Variants in IFFO2 observed in about 807,000 individuals in gnomAD.
IFFO2 encodes intermediate filament family orphan 2.
A neutral mutation model predicts 53.5 loss-of-function variants in IFFO2; 19 were observed. The ratio of observed to expected loss-of-function variants is 0.36; its 90% CI spans 0.25 to 0.52. The LOEUF (loss-of-function observed/expected upper bound fraction) is 0.52. Among genes scored for constraint, IFFO2 ranks in the 20% least tolerant of loss-of-function variants. IFFO2 has a pLI of 0.94. For synonymous variants in IFFO2, 303 were observed against 313.6 expected (o/e 0.97, Z 0.36); for missense variants, 570 against 727.4 (o/e 0.78, Z 2.49).
chr1:18,905,085 C>T lies in IFFO2; in HGVS notation c.*3476G>A, dbSNP rs1935927976. 1 of 152,196 alleles carries T rather than the reference C, an allele frequency of 6.6e-6. No individual in the cohort carries two copies. Among genetic ancestry groups the T allele is most frequent in the Non-Finnish European group, 1.5e-5 (1 of 68,056 alleles). 9.4% of individuals were successfully genotyped at this position (152,196 alleles called of 1,614,324 possible). A position where few individuals can be genotyped will look rare whatever the true frequency, so the allele number is the denominator to read the frequency against. On this transcript the variant is annotated 3_prime_UTR_variant, in exon 9 of 9. Coordinates refer to ENST00000455833, the MANE Select transcript of IFFO2 (RefSeq NM_001136265.2). Reference sequence around the variant, plus strand: ...GTAACTAATTAATCAGAGCCTATCCCCAGAGCCCAGCTTGTTCCCTCCCTA... The same window carrying T: ...GTAACTAATTAATCAGAGCCTATCCTCAGAGCCCAGCTTGTTCCCTCCCTA...
Position 18,943,176 on chromosome 1 carries a change from C to T in IFFO2, c.665+12492G>A, listed in dbSNP as rs752870949. On this transcript the variant is annotated intron_variant, in intron 1 of 8. Coordinates refer to ENST00000455833, the MANE Select transcript of IFFO2 (RefSeq NM_001136265.2). ...GAGGCCAGGAGTTCAAGACCAGCCC[C>T]GGCAACATAGCGAGACCCCTATCTC... 1.1e-3 allele frequency among the ~76,000 whole-genome samples: 165 copies of T among 151,948 alleles called. 2 individuals are homozygous for T. The highest frequency in any genetic ancestry group is 2.4e-4 in the Non-Finnish European group (16 of 67,952).
chr1:18,908,538 C>T lies in IFFO2; in HGVS notation c.*23G>A, dbSNP rs1344048705. 5 of 1,530,474 alleles carry T rather than the reference C, an allele frequency of 3.3e-6. No individual in the cohort carries two copies. Among genetic ancestry groups the T allele is most frequent in the Middle Eastern group, 1.7e-4 (1 of 5,958 alleles). The allele number at this position is 1,530,474 out of a possible 1,614,324, so 94.8% of individuals were successfully genotyped here. A position where few individuals can be genotyped will look rare whatever the true frequency, so the allele number is the denominator to read the frequency against. On this transcript the variant is annotated 3_prime_UTR_variant, in exon 9 of 9. Transcript: ENST00000455833. The stretch of plus-strand genomic sequence containing the variant: ...TGGCAGGGCCCCATCACCAAGACCA[C>T]CAGGCTCGCAGGGCCTCAGTCATCA...
rs1385992966 is a variant in IFFO2, at chr1:18,906,063, CA to C, written c.*2497del. 6.6e-6 allele frequency: 1 copy of C among 151,406 alleles called. No individual in the cohort carries two copies. Among genetic ancestry groups the C allele is most frequent in the Non-Finnish European group, 1.5e-5 (1 of 68,192 alleles). 9.4% of individuals were successfully genotyped at this position (151,406 alleles called of 1,614,324 possible). On this transcript the variant is annotated 3_prime_UTR_variant, in exon 9 of 9. Coordinates refer to ENST00000455833, the MANE Select transcript of IFFO2 (RefSeq NM_001136265.2). ...AAAAAGCATGTGGTGGAGAGGCAGG[CA>C]GGCAGGCAGGCAGGCCGGACCCAGG...
intron 1 of IFFO2, among the ~76,000 whole-genome samples, chr1:18,943,043 A>G (rs1936540494): frequency 6.6e-6 from 1 of 152,028 alleles, no homozygotes; most frequent in Non-Finnish European, 1.5e-5. Context: ...TATTTTATTT[A>G]AAGGTAAGTG....
In IFFO2 at chr1:18,919,211, G is replaced by A. The variant is rs187525500; in HGVS notation, c.822+467C>T. Among the ~76,000 whole-genome samples, 214 of 152,304 alleles carry A rather than the reference G, an allele frequency of 1.4e-3. No individual in the cohort carries two copies. Among genetic ancestry groups the A allele is most frequent in the Non-Finnish European group, 2.5e-3 (167 of 68,018 alleles). ...CAGATACTTAGAGGGGCCCCAGATT[G>A]TCAAAAAGACACGCGCACTGGCCTT... On this transcript the variant is annotated intron_variant, in intron 3 of 8. Transcript: ENST00000455833. This position sits in a 1 kb window ranked among gnomAD's most constrained non-coding sequence, Gnocchi z 4.9.
chr1:18,941,298 G>A (rs1386721154), intron 1 of IFFO2, among the ~76,000 whole-genome samples: 1 of 152,240 alleles, frequency 6.6e-6, no homozygotes. Flanking sequence ...GCCTCCCAAG[G>A]CTTCTCTGTT....
chr1:18,906,526 T>C lies in IFFO2; in HGVS notation c.*2035A>G, dbSNP rs553109524. The C allele has an allele frequency of 6.6e-6, 1 of 152,224 alleles. No individual in the cohort carries two copies. Among genetic ancestry groups the C allele is most frequent in the Admixed American group, 6.5e-5 (1 of 15,280 alleles). 9.4% of individuals were successfully genotyped at this position (152,224 alleles called of 1,614,324 possible). A position where few individuals can be genotyped will look rare whatever the true frequency, so the allele number is the denominator to read the frequency against. ...AGACCCACGAGGGTGGATGTTTTCC[T>C]GCCCTCGAGGAAACGGAAAATCTTT... On this transcript the variant is annotated 3_prime_UTR_variant, in exon 9 of 9. Transcript: ENST00000455833.
intron 1 of IFFO2, among the ~76,000 whole-genome samples, chr1:18,940,921 G>A (rs1936512230): frequency 6.6e-6 from 1 of 152,202 alleles, no homozygotes. Flanking sequence ...ATCTGCTCCA[G>A]TCTGATTCCA....
At chr1:18,939,444 TCTCTGGGC>T (rs1259526763) in intron 1 of IFFO2, among the ~76,000 whole-genome samples, 1 of 152,166 alleles carries the variant, frequency 6.6e-6, no homozygotes, top group Admixed American at 6.5e-5. Context: ...TTGCTCAACC[TCTCTGGGC>T]CTCAGTTTCC....
chr1:18,951,418 A>G (rs1640891872), intron 1 of IFFO2, among the ~76,000 whole-genome samples: 1 of 152,188 alleles, frequency 6.6e-6, no homozygotes, highest in East Asian at 1.9e-4. Flanking sequence ...GCTGACTTCA[A>G]CTGGGGGGCG....
At chr1:18,911,900 T>C (rs1024895230) in intron 6 of IFFO2, 63 bp downstream of exon 6, 76 of 1,537,672 alleles carry the variant, frequency 4.9e-5, no homozygotes, top group Non-Finnish European at 6.7e-5. Flanking sequence ...TGAGGGACCA[T>C]TGAAAGGCGG....
Position 18,928,456 on chromosome 1 carries a change from G to A in IFFO2, c.666-7335C>T, listed in dbSNP as rs966182947. On this transcript the variant is annotated intron_variant, in intron 1 of 8. Coordinates refer to ENST00000455833, the MANE Select transcript of IFFO2 (RefSeq NM_001136265.2). The surrounding 1 kb of genome is among the most constrained non-coding windows in gnomAD (Gnocchi z 4.9). ...CGGGCAGTAATGGCCTGAGCAGGAC[G>A]GAGCACAGGCTGTACACTGAGGATG... 6.6e-5 allele frequency among the ~76,000 whole-genome samples: 10 copies of A among 152,204 alleles called. No homozygotes were observed. The highest frequency in any genetic ancestry group is 2.0e-4 in the Admixed American group (3 of 15,282).
intron 5 of IFFO2, among the ~76,000 whole-genome samples, chr1:18,913,710 G>A (rs958480149): frequency 1.3e-5 from 2 of 152,246 alleles, no homozygotes; most frequent in Non-Finnish European, 2.9e-5. Flanking sequence ...ATGTCCATGG[G>A]AAAGGCCCAG....
At chr1:18,922,482 G>A (rs1936229592) in intron 1 of IFFO2, among the ~76,000 whole-genome samples, 1 of 152,190 alleles carries the variant, frequency 6.6e-6, no homozygotes, top group South Asian at 2.1e-4. Context: ...GGAAACAAGA[G>A]AAAACGGATA....
At position 18,908,393 on chromosome 1, in the gene IFFO2, G is replaced by A. The variant is rs550867960; in HGVS notation, c.*168C>T. 34 of 567,654 alleles carry A rather than the reference G, an allele frequency of 6.0e-5. No homozygotes were observed. The highest frequency in any genetic ancestry group is 5.4e-4 in the South Asian group (28 of 51,602). The allele number at this position is 567,654 out of a possible 1,614,324, so 35.2% of individuals were successfully genotyped here. Reference sequence around the variant, plus strand: ...GAGACGGGGCACCCGTTGGTGGTGTGGAAGGAAGGAAGGAAGCAGCAGTCC... The same window carrying A: ...GAGACGGGGCACCCGTTGGTGGTGTAGAAGGAAGGAAGGAAGCAGCAGTCC... On this transcript the variant is annotated 3_prime_UTR_variant, in exon 9 of 9. Transcript: ENST00000455833.
chr1:18,949,331 G>A (rs913259642), intron 1 of IFFO2, among the ~76,000 whole-genome samples: 1 of 152,258 alleles, frequency 6.6e-6, no homozygotes, highest in East Asian at 1.9e-4. Context: ...CGATGCAGGG[G>A]CAGACACATG....
Position 18,918,262 on chromosome 1 carries a change from G to A in IFFO2, c.963+100C>T. Reference sequence around the variant, plus strand: ...CCTCTCGGGGAAGGGGAGGGAGTGAGTGGGATGTGGAGGCAAACGGGTTGG... The same window carrying A: ...CCTCTCGGGGAAGGGGAGGGAGTGAATGGGATGTGGAGGCAAACGGGTTGG... On this transcript the variant is annotated intron_variant, in intron 4 of 8. Transcript: ENST00000455833. This position sits in a 1 kb window ranked among gnomAD's most constrained non-coding sequence, Gnocchi z 5.2. 1 of 1,158,102 alleles carries A rather than the reference G, an allele frequency of 8.6e-7. No individual in the cohort carries two copies. The highest frequency in any genetic ancestry group is 1.2e-6 in the Non-Finnish European group (1 of 809,190). 71.7% of individuals were successfully genotyped at this position (1,158,102 alleles called of 1,614,324 possible).
At chr1:18,940,295 G>A (rs1010105656) in intron 1 of IFFO2, among the ~76,000 whole-genome samples, 5 of 152,226 alleles carry the variant, frequency 3.3e-5, no homozygotes, top group African/African-American at 4.8e-5. Context: ...ACTTGGGGCT[G>A]GGACCTACAG....
chr1:18,940,611 AGACG>A (rs1936508214), intron 1 of IFFO2, among the ~76,000 whole-genome samples: 2 of 140,124 alleles, frequency 1.4e-5, no homozygotes. Context: ...ATGGATGGAC[AGACG>A]GACGGACAGA....
Sources: gnomAD v4.1 joint callset for allele counts (sites outside exome capture counted in the v4.1 genomes callset) on GRCh38, gnomAD v4.1.1 for gene constraint, Gnocchi (gnomAD v3.1) non-coding constraint, MANE v1.5 for transcripts, NCBI Gene and HGNC (gene_info 2026-07-23, HGNC 2026-07-21) for gene names.